The following CACNA1I variants were observed in gnomAD, a reference collection of about 807,000 sequenced individuals.
CACNA1I encodes the protein voltage-dependent T-type calcium channel subunit alpha-1I.
A neutral mutation model predicts 201.6 loss-of-function variants in CACNA1I; 74 were observed. That is an observed-to-expected ratio of 0.37 (90% CI 0.30 to 0.45). The LOEUF is 0.45. CACNA1I is among the 20% of genes least tolerant of loss of function. The pLI is 1.00. For missense variants in CACNA1I, 2,346 were observed against 3,138.1 expected, an observed-to-expected ratio of 0.75 and a Z score of 6.03; for synonymous variants, 1,431 against 1,345.2, an observed-to-expected ratio of 1.06 and a Z score of -1.40.
At chr22:39,656,815 C>T in intron 10 of CACNA1I, 1 of 517,182 alleles carries the variant, frequency 1.9e-6, no homozygotes, top group South Asian at 1.4e-5. Flanking sequence ...GCCTCAGTCT[C>T]CTCATCTGTA....
chr22:39,666,011 GC>G lies in CACNA1I; in HGVS notation c.4104+6del, dbSNP rs1443262994. 1 of 1,613,250 alleles carries G rather than the reference GC, an allele frequency of 6.2e-7. No individual in the cohort carries two copies. The highest frequency in any genetic ancestry group is 8.5e-7 in the Non-Finnish European group (1 of 1,179,674). On this transcript the variant is annotated splice_donor_region_variant and intron_variant, in intron 23 of 36. Coordinates refer to ENST00000402142, the MANE Select transcript of CACNA1I (RefSeq NM_021096.4). This position sits in a 1 kb window ranked among gnomAD's most constrained non-coding sequence, Gnocchi z 4.1. Reference sequence around the variant, plus strand: ...AACTTCGACAACCTGGGCCAGGTGAGCACCACCGTCCTAGCCCTGATCAGAC... The same window carrying G: ...AACTTCGACAACCTGGGCCAGGTGAGACCACCGTCCTAGCCCTGATCAGAC...
At chr22:39,664,588 C>G in intron 20 of CACNA1I, 151 bp from the exon 21 acceptor site, 1 of 626,514 alleles carries the variant, frequency 1.6e-6, no homozygotes, top group South Asian at 1.8e-5. Context: ...TGAACCCTCC[C>G]CTTCCCTTCG....
chr22:39,658,116 GA>G, intron 10 of CACNA1I, 35 bp from the exon 11 acceptor site: 1 of 1,610,208 alleles, frequency 6.2e-7, no homozygotes, highest in Non-Finnish European at 8.5e-7. Flanking sequence ...CCTCTGGCCT[GA>G]CCGGGTCTCC....
Position 39,686,327 on chromosome 22 carries a change from G to A in CACNA1I, c.6594G>A (p.Leu2198=). ...GCCGGGCACCGCTGCCCATGGGCCT[G>A]GGCCCCTTGGCGCCCCCGCCGCAAC... The part of the protein sequence containing the change: ...PPGRAPLPMG[L]GPLAPPPQPL... The change falls in exon 37 of 37, where the codon CTG becomes CTA. Residue 2198 remains leucine (L), a synonymous_variant. Transcript: ENST00000402142. 7.6e-7 allele frequency: 1 copy of A among 1,314,428 alleles called. No homozygotes were observed. Among genetic ancestry groups the A allele is most frequent in the South Asian group, 2.0e-5 (1 of 51,162 alleles). The allele number at this position is 1,314,428 out of a possible 1,614,324, so 81.4% of individuals were successfully genotyped here.
intron 1 of CACNA1I, among the ~76,000 whole-genome samples, chr22:39,578,142 G>A (rs977632803): frequency 6.6e-6 from 1 of 151,984 alleles, no homozygotes; most frequent in African/African-American, 2.4e-5. Flanking sequence ...AAGGTGGGGA[G>A]TGGGGCCTGG....
intron 6 of CACNA1I, 34 bp downstream of exon 6, chr22:39,641,216 C>G (rs978364452): frequency 6.4e-7 from 1 of 1,569,260 alleles, no homozygotes; most frequent in African/African-American, 1.3e-5. Flanking sequence ...CAGCCTGGTC[C>G]TAGAGTGGGC....
intron 6 of CACNA1I, among the ~76,000 whole-genome samples, chr22:39,642,009 G>T (rs1250926021): frequency 1.3e-5 from 2 of 152,166 alleles, no homozygotes; most frequent in African/African-American, 4.8e-5. Context: ...GAAAGAAGGG[G>T]CAGGAGCAGA....
chr22:39,662,868 C>A lies in CACNA1I; in HGVS notation c.3465C>A (p.Pro1155=). 6.3e-7 allele frequency: 1 copy of A among 1,584,332 alleles called. No individual in the cohort carries two copies. The highest frequency in any genetic ancestry group is 8.6e-7 in the Non-Finnish European group (1 of 1,162,904). The stretch of plus-strand genomic sequence containing the variant: ...ACTGGTCTGTCTACCTCTTCTCTCC[C>A]GAGAACAGGTGGGCAGGGCCAGGCC... ...REDWSVYLFS[P]ENRFRVLCQT... is the part of the protein sequence containing the mutation. Residue 1155 remains proline, a synonymous_variant, in exon 18 of 37, where the codon CCC becomes CCA. Transcript: ENST00000402142.
intron 3 of CACNA1I, among the ~76,000 whole-genome samples, chr22:39,607,146 G>C (rs1933244160): frequency 6.6e-6 from 1 of 152,200 alleles, no homozygotes; most frequent in African/African-American, 2.4e-5. Context: ...CCAAGGACAT[G>C]GCTGATGTGG....
intron 3 of CACNA1I, among the ~76,000 whole-genome samples, chr22:39,611,643 C>T (rs2146383372): frequency 6.6e-6 from 1 of 152,322 alleles, no homozygotes; most frequent in East Asian, 1.9e-4. Flanking sequence ...GAGGCATACA[C>T]TAAAATTATT....
intron 1 of CACNA1I, among the ~76,000 whole-genome samples, chr22:39,579,508 CTGCAGGCTGTACAA>C (rs2077237345): frequency 6.6e-6 from 1 of 152,200 alleles, no homozygotes; most frequent in Non-Finnish European, 1.5e-5. Flanking sequence ...GCTCATGGTT[CTGCAGGCTGTACAA>C]GAAGTGTGAT....
intron 10 of CACNA1I, among the ~76,000 whole-genome samples, chr22:39,651,777 G>A (rs1361626886): frequency 6.6e-6 from 1 of 152,234 alleles, no homozygotes; most frequent in Non-Finnish European, 1.5e-5. Context: ...AGAGTTGGGA[G>A]CTTGAAATTG....
chr22:39,679,088 C>T lies in CACNA1I; in HGVS notation c.5056-19C>T, dbSNP rs372701262. Reference sequence around the variant, plus strand: ...GGGATGTCTCCGTCCTCATCCTCACCGCCCTCCCTGCCACGCAGGACACGC... The same window carrying T: ...GGGATGTCTCCGTCCTCATCCTCACTGCCCTCCCTGCCACGCAGGACACGC... On this transcript the variant is annotated intron_variant, in intron 31 of 36. Transcript: ENST00000402142. 85 of 1,556,558 alleles carry T rather than the reference C, an allele frequency of 5.5e-5. No homozygotes were observed. Among genetic ancestry groups the T allele is most frequent in the Middle Eastern group, 1.7e-4 (1 of 5,910 alleles).
chr22:39,591,825 G>T (rs1043161512), intron 1 of CACNA1I, among the ~76,000 whole-genome samples: 2 of 152,372 alleles, frequency 1.3e-5, no homozygotes, highest in Non-Finnish European at 2.9e-5. Context: ...CCCCCAAAGT[G>T]CTGGGATCAC....
chr22:39,600,045 C>A (rs1049327903), intron 2 of CACNA1I, among the ~76,000 whole-genome samples: 1 of 152,214 alleles, frequency 6.6e-6, no homozygotes, highest in African/African-American at 2.4e-5. Flanking sequence ...AATCCTGGTT[C>A]TGCCACTTAT....
chr22:39,619,201 T>C, intron 3 of CACNA1I, 109 bp from the exon 4 acceptor site: 1 of 815,028 alleles, frequency 1.2e-6, no homozygotes, highest in Non-Finnish European at 2.1e-6. Flanking sequence ...CTGTCTTTAC[T>C]TGCCCTGTCC....
intron 7 of CACNA1I, among the ~76,000 whole-genome samples, chr22:39,646,029 C>T (rs548386223): frequency 5.3e-5 from 8 of 152,280 alleles, no homozygotes; most frequent in African/African-American, 9.6e-5. Flanking sequence ...CCTCTCTGGG[C>T]TCAGTGCAGA....
rs867572804 is a variant in CACNA1I, at chr22:39,686,624, A to G, written c.*219A>G. On this transcript the variant is annotated 3_prime_UTR_variant, in exon 37 of 37. Transcript: ENST00000402142. ...CATATACATACATATATATATATAT[A>G]TGCATATATATATATATATATATAT... 1.4e-5 allele frequency: 1 copy of G among 72,380 alleles called. No individual in the cohort carries two copies. Among genetic ancestry groups the G allele is most frequent in the Non-Finnish European group, 2.6e-5 (1 of 38,958 alleles). 4.5% of individuals were successfully genotyped at this position (72,380 alleles called of 1,614,324 possible).
At chr22:39,575,899 T>C (rs1932330034) in intron 1 of CACNA1I, among the ~76,000 whole-genome samples, 2 of 152,038 alleles carry the variant, frequency 1.3e-5, no homozygotes, top group Non-Finnish European at 2.9e-5. Context: ...CTCAGCCTCC[T>C]GAGTAGCTGG....
Sources: gnomAD v4.1 joint callset for allele counts (sites outside exome capture counted in the v4.1 genomes callset) on GRCh38, gnomAD v4.1.1 for gene constraint, Gnocchi (gnomAD v3.1) non-coding constraint, MANE v1.5 for transcripts, NCBI Gene and HGNC (gene_info 2026-07-23, HGNC 2026-07-21) for gene names.